The following NR4A3 variants were observed in gnomAD, a reference collection of about 807,000 sequenced individuals.
NR4A3 encodes the protein chondrosarcoma, extraskeletal myxoid, fused to EWS.
Under a neutral mutation model 55.6 loss-of-function variants are expected in NR4A3, and 13 were observed. The ratio of observed to expected loss-of-function variants is 0.23; its 90% CI spans 0.15 to 0.37. The LOEUF is 0.37. Ranked by LOEUF, NR4A3 falls within the 10% of genes least tolerant of loss-of-function variation. NR4A3 has a pLI of 1.00. For synonymous variants in NR4A3, 342 were observed against 357.9 expected, an observed-to-expected ratio of 0.96 and a Z score of 0.50; for missense variants, 646 against 822.8, an observed-to-expected ratio of 0.79 and a Z score of 2.63.
At chr9:99,833,847 C>A (rs946993455) in intron 5 of NR4A3, 9 of 1,275,492 alleles carry the variant, frequency 7.1e-6, no homozygotes, top group Non-Finnish European at 9.0e-6. Context: ...TATTACTAAG[C>A]AGTTTATCCA....
At chr9:99,833,941 A>G (rs1218650311) in intron 5 of NR4A3, 6 of 1,177,422 alleles carry the variant, frequency 5.1e-6, no homozygotes, top group Non-Finnish European at 6.3e-6. Flanking sequence ...CTGTGACATC[A>G]GTTGTCAGGA....
At chr9:99,844,020 C>A (rs1341458626) in intron 5 of NR4A3, among the ~76,000 whole-genome samples, 1 of 151,228 alleles carries the variant, frequency 6.6e-6, no homozygotes, top group Non-Finnish European at 1.5e-5. Flanking sequence ...CACCCCCCAG[C>A]CTCCCAAAGT....
At chr9:99,859,616 CA>C (rs1827978074) in intron 7 of NR4A3, among the ~76,000 whole-genome samples, 1 of 152,194 alleles carries the variant, frequency 6.6e-6, no homozygotes, top group Non-Finnish European at 1.5e-5. Context: ...TATCGATCTC[CA>C]CTTGAATTCA....
At chr9:99,839,142 TTTTTTGC>T (rs1337955296) in intron 5 of NR4A3, among the ~76,000 whole-genome samples, 1 of 152,172 alleles carries the variant, frequency 6.6e-6, no homozygotes, top group Non-Finnish European at 1.5e-5. Context: ...AGGAGAGGAA[TTTTTTGC>T]TTTTTGCTTT....
At chr9:99,846,093 G>A (rs1213651493) in intron 6 of NR4A3, among the ~76,000 whole-genome samples, 1 of 152,196 alleles carries the variant, frequency 6.6e-6, no homozygotes, top group Admixed American at 6.5e-5. Context: ...TAGACACTTG[G>A]CTGAGTGAAG....
chr9:99,845,228 G>A (rs557897905), intron 6 of NR4A3, among the ~76,000 whole-genome samples: 1 of 152,314 alleles, frequency 6.6e-6, no homozygotes, highest in East Asian at 1.9e-4. Flanking sequence ...GCAAGTGTTT[G>A]CTTTGGAACA....
chr9:99,834,254 A>AT (rs1473198016), intron 5 of NR4A3, among the ~76,000 whole-genome samples: 1 of 152,248 alleles, frequency 6.6e-6, no homozygotes, highest in Admixed American at 6.5e-5. Context: ...GAGAAGAACC[A>AT]TGAGAAAGGA....
Position 99,825,013 on chromosome 9 carries a change from AGCCTTCTCATCGCTGT to A in NR4A3, c.-176-642_-176-627del. On this transcript the variant is annotated intron_variant, in intron 1 of 7. Transcript: ENST00000395097. The surrounding 1 kb of genome is among the most constrained non-coding windows in gnomAD (Gnocchi z 5.0). ...GCTTCGTCCCCTTGCTTCCAGCGCCAGCCTTCTCATCGCTGTGCCCTTTTGTTTGCTTGACCCCTGG... is the reference window on the plus strand; with the variant it reads ...GCTTCGTCCCCTTGCTTCCAGCGCCAGCCCTTTTGTTTGCTTGACCCCTGG... 6.6e-6 allele frequency among the ~76,000 whole-genome samples: 1 copy of A among 152,298 alleles called. No individual in the cohort carries two copies. The highest frequency in any genetic ancestry group is 1.5e-5 in the Non-Finnish European group (1 of 68,010).
At chr9:99,843,306 C>A (rs1827686146) in intron 5 of NR4A3, among the ~76,000 whole-genome samples, 1 of 152,190 alleles carries the variant, frequency 6.6e-6, no homozygotes, top group South Asian at 2.1e-4. Context: ...TTTTTAATTT[C>A]ATTTAGTTTT....
chr9:99,828,113 C>G lies in NR4A3; in HGVS notation c.71C>G (p.Ser24Trp). 6.2e-7 allele frequency: 1 copy of G among 1,614,052 alleles called. No individual in the cohort carries two copies. The highest frequency in any genetic ancestry group is 1.3e-5 in the African/African-American group (1 of 74,988). The change falls in exon 3 of 8, where the codon TCG (serine) becomes TGG (tryptophan). Residue 24 changes from serine (S) to tryptophan (W), a missense_variant. Ser to Trp is a radical substitution (Grantham distance 177). Coordinates refer to ENST00000395097, the MANE Select transcript of NR4A3 (RefSeq NM_006981.4). The surrounding 1 kb of genome is among the most constrained non-coding windows in gnomAD (Gnocchi z 7.7). Reference sequence around the variant, plus strand: ...AGTTATGCGGCGCAGACATACAGCTCGGAATACACCACGGAGATCATGAAC... The same window carrying G: ...AGTTATGCGGCGCAGACATACAGCTGGGAATACACCACGGAGATCATGAAC... Reference protein sequence around the residue: ...GSSYAAQTYSSEYTTEIMNPD... With the variant: ...GSSYAAQTYSWEYTTEIMNPD...
At chr9:99,847,703 G>A in intron 7 of NR4A3, 88 bp downstream of exon 7, 1 of 1,229,542 alleles carries the variant, frequency 8.1e-7, no homozygotes, top group South Asian at 1.5e-5. Context: ...ACACACACCA[G>A]AAAAGTGGGA....
intron 7 of NR4A3, among the ~76,000 whole-genome samples, chr9:99,859,585 G>A (rs1051980500): frequency 3.9e-5 from 6 of 152,214 alleles, no homozygotes; most frequent in African/African-American, 1.4e-4. Flanking sequence ...CAGGCCTAGA[G>A]TTGATCCAGC....
intron 7 of NR4A3, among the ~76,000 whole-genome samples, chr9:99,851,860 T>A (rs1827855439): frequency 6.6e-6 from 1 of 152,204 alleles, no homozygotes; most frequent in Non-Finnish European, 1.5e-5. Flanking sequence ...AACAGAAAGT[T>A]AGTGTGGCAT....
chr9:99,863,113 C>T (rs1459333849), intron 7 of NR4A3, among the ~76,000 whole-genome samples: 1 of 152,172 alleles, frequency 6.6e-6, no homozygotes, highest in Non-Finnish European at 1.5e-5. Flanking sequence ...ACAGCCTCCC[C>T]ACCTCCCTTA....
At chr9:99,825,000 T>TG (rs1827267316) in intron 1 of NR4A3, among the ~76,000 whole-genome samples, 1 of 152,216 alleles carries the variant, frequency 6.6e-6, no homozygotes, top group Non-Finnish European at 1.5e-5. Flanking sequence ...TTCGTCCCCT[T>TG]GCTTCCAGCG....
intron 6 of NR4A3, 100 bp downstream of exon 6, chr9:99,844,948 C>A: frequency 2.1e-6 from 2 of 941,858 alleles, no homozygotes; most frequent in Non-Finnish European, 3.3e-6. Context: ...TCTCAAGAAG[C>A]AAATGTGAAA....
At chr9:99,850,673 A>T (rs1827833007) in intron 7 of NR4A3, among the ~76,000 whole-genome samples, 1 of 152,192 alleles carries the variant, frequency 6.6e-6, no homozygotes, top group Non-Finnish European at 1.5e-5. Flanking sequence ...TTTAATAAGT[A>T]GGCGCTATTG....
intron 7 of NR4A3, among the ~76,000 whole-genome samples, chr9:99,861,501 G>C (rs1828008822): frequency 6.6e-6 from 1 of 151,954 alleles, no homozygotes; most frequent in Admixed American, 6.6e-5. Context: ...GACAGAGTGA[G>C]ACTCTGTCAA....
At chr9:99,824,893 G>A (rs1473816596) in intron 1 of NR4A3, among the ~76,000 whole-genome samples, 3 of 152,164 alleles carry the variant, frequency 2.0e-5, no homozygotes, top group Admixed American at 2.0e-4. Context: ...GCCGCTGGGT[G>A]GCCAGGAGCC....
Sources: allele counts gnomAD v4.1 joint callset (sites outside exome capture counted in the v4.1 genomes callset), GRCh38; gene constraint gnomAD v4.1.1; non-coding constraint Gnocchi (gnomAD v3.1); transcripts MANE v1.5; gene names NCBI Gene and HGNC (gene_info 2026-07-23, HGNC 2026-07-21).